Variants in C1QTNF3 observed in about 807,000 individuals in gnomAD.
The protein encoded by C1QTNF3 is complement C1q tumor necrosis factor-related protein 3.
In C1QTNF3, 26 loss-of-function variants were observed where a neutral mutation model predicts 32.6. The ratio of observed to expected loss-of-function variants is 0.80; its 90% confidence interval spans 0.58 to 1.11. The LOEUF is 1.11. Ranked by LOEUF, C1QTNF3 falls within the 50% of genes least tolerant of loss-of-function variation. The pLI, the probability that C1QTNF3 is intolerant of heterozygous loss-of-function variation, is 0.00. For missense variants in C1QTNF3, 362 were observed against 398.2 expected, an observed-to-expected ratio of 0.91 and a Z score of 0.77; for synonymous variants, 155 against 146.0, an observed-to-expected ratio of 1.06 and a Z score of -0.44.
At chr5:34,062,826 C>A in the C1QTNF3 span, among the ~76,000 whole-genome samples, 1 of 152,218 alleles carries the variant, frequency 6.6e-6, no homozygotes, top group East Asian at 1.9e-4. Context: ...AACAGAATGG[C>A]CCCATACTTT....
chr5:34,107,652 A>C, the C1QTNF3 span, among the ~76,000 whole-genome samples: 1 of 152,046 alleles, frequency 6.6e-6, no homozygotes, highest in Non-Finnish European at 1.5e-5. Flanking sequence ...AGCAGGACCT[A>C]ATAAAACAGC....
chr5:34,087,319 T>C, the C1QTNF3 span, among the ~76,000 whole-genome samples: 1 of 151,876 alleles, frequency 6.6e-6, no homozygotes, highest in Non-Finnish European at 1.5e-5. Context: ...TCTTGGCATT[T>C]AGATACAATA....
the C1QTNF3 span, among the ~76,000 whole-genome samples, chr5:34,062,811 T>C: frequency 2.0e-5 from 3 of 152,234 alleles, no homozygotes; most frequent in Non-Finnish European, 2.9e-5. Context: ...ACCATTTCAT[T>C]TTCTAACAGA....
chr5:34,125,956 A>AT, the C1QTNF3 span, among the ~76,000 whole-genome samples: 1 of 152,232 alleles, frequency 6.6e-6, no homozygotes, highest in Non-Finnish European at 1.5e-5. Flanking sequence ...CTTCAGGTGT[A>AT]TAAGAGGGAA....
the C1QTNF3 span, among the ~76,000 whole-genome samples, chr5:34,164,094 C>G: frequency 6.6e-6 from 1 of 151,854 alleles, no homozygotes; most frequent in Non-Finnish European, 1.5e-5. Context: ...AAAAAAATAG[C>G]CTATTCAATT....
chr5:34,161,473 T>C, the C1QTNF3 span, among the ~76,000 whole-genome samples: 1 of 152,150 alleles, frequency 6.6e-6, no homozygotes, highest in East Asian at 1.9e-4. Context: ...ATGTTACATT[T>C]TTCTCTAAAT....
the C1QTNF3 span, among the ~76,000 whole-genome samples, chr5:34,129,226 A>C: frequency 1.3e-5 from 2 of 152,150 alleles, no homozygotes; most frequent in Non-Finnish European, 2.9e-5. Context: ...CTGTGTGTCA[A>C]TTAAACCTCT....
At chr5:34,216,632 G>A in the C1QTNF3 span, among the ~76,000 whole-genome samples, 1 of 152,064 alleles carries the variant, frequency 6.6e-6, no homozygotes, top group Admixed American at 6.6e-5. Context: ...CTCTAGAGGA[G>A]GTCCGTCTTG....
At chr5:34,034,867 G>A (rs995161072) in intron 2 of C1QTNF3, among the ~76,000 whole-genome samples, 1 of 152,098 alleles carries the variant, frequency 6.6e-6, no homozygotes, top group African/African-American at 2.4e-5. Context: ...TGTAAATTTG[G>A]TTTTGTGCAA....
the C1QTNF3 span, among the ~76,000 whole-genome samples, chr5:34,090,241 GTCTTAATTAAATTCTGAAATTCT>G: frequency 6.8e-6 from 1 of 147,608 alleles, no homozygotes; most frequent in Admixed American, 6.8e-5. Flanking sequence ...CCTTCATTCT[GTCTTAATTAAATTCTGAAATTCT>G]TCTTAGATAC....
chr5:34,020,826 C>A (rs550528593), intron 5 of C1QTNF3, 84 bp from the exon 6 acceptor site: 1,440 of 1,388,770 alleles, frequency 1.0e-3, no homozygotes, highest in Non-Finnish European at 1.3e-3. Context: ...CCCTTCTCTC[C>A]TTCCCACAGG....
At chr5:34,188,293 G>C in the C1QTNF3 span, among the ~76,000 whole-genome samples, 1 of 152,308 alleles carries the variant, frequency 6.6e-6, no homozygotes, top group Non-Finnish European at 1.5e-5. Flanking sequence ...GAAATATGGG[G>C]TTGGAGCCCC....
At chr5:34,213,791 A>G in the C1QTNF3 span, among the ~76,000 whole-genome samples, 6 of 5,438 alleles carry the variant, frequency 1.1e-3, no homozygotes, top group South Asian at 8.6e-3. Flanking sequence ...ATATACATAT[A>G]TATATATATA....
chr5:34,217,919 A>C, the C1QTNF3 span, among the ~76,000 whole-genome samples: 2 of 152,046 alleles, frequency 1.3e-5, no homozygotes, highest in Admixed American at 6.6e-5. Flanking sequence ...ACAGTGACCA[A>C]ATGTATAAAA....
At chr5:34,117,394 C>T in the C1QTNF3 span, among the ~76,000 whole-genome samples, 1 of 152,092 alleles carries the variant, frequency 6.6e-6, no homozygotes, top group African/African-American at 2.4e-5. Context: ...TTAATTCCTC[C>T]CCTCCTTTTT....
the C1QTNF3 span, among the ~76,000 whole-genome samples, chr5:34,217,128 A>G: frequency 2.0e-5 from 3 of 152,148 alleles, no homozygotes; most frequent in Non-Finnish European, 2.9e-5. Context: ...GTAGTAGTTT[A>G]TAAGTGTTTT....
intron 1 of C1QTNF3, among the ~76,000 whole-genome samples, chr5:34,041,821 T>C (rs1754879165): frequency 2.0e-5 from 3 of 151,988 alleles, no homozygotes; most frequent in Admixed American, 1.3e-4. Context: ...GGTCTGACCA[T>C]ATAACCAAAC....
the C1QTNF3 span, among the ~76,000 whole-genome samples, chr5:34,119,815 G>T: frequency 6.6e-6 from 1 of 152,050 alleles, no homozygotes; most frequent in Non-Finnish European, 1.5e-5. Context: ...CATATTTTAG[G>T]GATCCTTGTG....
At chr5:34,147,206 G>C in the C1QTNF3 span, among the ~76,000 whole-genome samples, 1 of 152,198 alleles carries the variant, frequency 6.6e-6, no homozygotes, top group East Asian at 1.9e-4. Context: ...ATACACTGTT[G>C]CTGGGTATAT....
Sources: gnomAD v4.1 joint callset for allele counts (sites outside exome capture counted in the v4.1 genomes callset) on GRCh38, gnomAD v4.1.1 for gene constraint, MANE v1.5 for transcripts, NCBI Gene and HGNC (gene_info 2026-07-23, HGNC 2026-07-21) for gene names.